The following PDE1A variants were observed in gnomAD, a reference collection of about 807,000 sequenced individuals.
PDE1A encodes phosphodiesterase 1A, also known as dual specificity calcium/calmodulin-dependent 3',5'-cyclic nucleotide phosphodiesterase 1A.
In PDE1A, 35 loss-of-function variants were observed where a neutral mutation model predicts 61.7. The ratio of observed to expected loss-of-function variants is 0.57; its 90% confidence interval spans 0.43 to 0.75. The LOEUF (loss-of-function observed/expected upper bound fraction) is 0.75, where lower values mean the gene tolerates loss of function less well. PDE1A is among the 30% of genes least tolerant of loss of function. The pLI is 0.00. For missense variants in PDE1A, 597 were observed against 630.6 expected (o/e 0.95, Z 0.57); for synonymous variants, 232 against 213.2 (o/e 1.09, Z -0.77).
intron 1 of PDE1A, among the ~76,000 whole-genome samples, chr2:182,391,326 A>T (rs775778490): frequency 6.6e-6 from 1 of 152,110 alleles, no homozygotes; most frequent in African/African-American, 2.4e-5. Flanking sequence ...CTGGGAGTTA[A>T]AAAACGTTCT....
At chr2:182,644,918 G>GAA in the PDE1A span, among the ~76,000 whole-genome samples, 2 of 150,924 alleles carry the variant, frequency 1.3e-5, no homozygotes, top group African/African-American at 2.4e-5. Context: ...TTTCAATTTT[G>GAA]AAAAGTATAG....
At chr2:182,650,239 T>A in the PDE1A span, among the ~76,000 whole-genome samples, 22 of 152,304 alleles carry the variant, frequency 1.4e-4, no homozygotes, top group Middle Eastern at 6.8e-3. Flanking sequence ...TATTGTTTAG[T>A]ATTTAGAATG....
intron 1 of PDE1A, among the ~76,000 whole-genome samples, chr2:182,397,181 G>C (rs1449229733): frequency 2.0e-5 from 3 of 152,064 alleles, no homozygotes; most frequent in Non-Finnish European, 4.4e-5. Context: ...AGGACATTTT[G>C]AGAGGCAGCA....
At chr2:182,676,135 T>C in the PDE1A span, among the ~76,000 whole-genome samples, 1 of 152,042 alleles carries the variant, frequency 6.6e-6, no homozygotes, top group Non-Finnish European at 1.5e-5. Flanking sequence ...ATTCAAAAGA[T>C]AAATGAATCC....
chr2:182,337,824 T>A (rs971747254), intron 1 of PDE1A, among the ~76,000 whole-genome samples: 40 of 151,780 alleles, frequency 2.6e-4, no homozygotes, highest in African/African-American at 5.1e-4. Context: ...TATAGGATTT[T>A]AAAAAAAAAG....
the PDE1A span, among the ~76,000 whole-genome samples, chr2:182,550,909 T>G: frequency 1.1e-4 from 17 of 152,098 alleles, no homozygotes; most frequent in African/African-American, 4.1e-4. Flanking sequence ...GTAAGTTCTG[T>G]TCACATTCCT....
intron 1 of PDE1A, among the ~76,000 whole-genome samples, chr2:182,377,177 T>C (rs1334408956): frequency 6.6e-6 from 1 of 152,222 alleles, no homozygotes; most frequent in African/African-American, 2.4e-5. Context: ...TCCCCAATGC[T>C]GGAAGTGGGG....
the PDE1A span, among the ~76,000 whole-genome samples, chr2:182,548,611 C>T: frequency 6.6e-6 from 1 of 152,226 alleles, no homozygotes; most frequent in East Asian, 1.9e-4. Context: ...AATAAGGAGG[C>T]TAGAGCACTT....
At chr2:182,335,977 C>A (rs1344837158) in intron 1 of PDE1A, among the ~76,000 whole-genome samples, 2 of 152,076 alleles carry the variant, frequency 1.3e-5, no homozygotes, top group African/African-American at 4.8e-5. Context: ...AGACACTTAT[C>A]AAAAGTAGAC....
At chr2:182,539,492 C>T in the PDE1A span, among the ~76,000 whole-genome samples, 3 of 152,186 alleles carry the variant, frequency 2.0e-5, no homozygotes, top group East Asian at 5.8e-4. Context: ...GAGCATAACT[C>T]CACTAGCTTT....
the PDE1A span, among the ~76,000 whole-genome samples, chr2:182,548,895 A>G: frequency 2.6e-5 from 4 of 152,216 alleles, no homozygotes; most frequent in Non-Finnish European, 4.4e-5. Flanking sequence ...TTCCATGTGG[A>G]TAATCAATTA....
chr2:182,497,501 G>A (rs758948879), intron 2 of PDE1A, among the ~76,000 whole-genome samples: 8 of 152,176 alleles, frequency 5.3e-5, no homozygotes, highest in Non-Finnish European at 1.0e-4. Flanking sequence ...TGGGAAACAA[G>A]GTGTTTGTTT....
At chr2:182,151,759 A>G (rs1023473871) in intron 13 of PDE1A, among the ~76,000 whole-genome samples, 2 of 152,222 alleles carry the variant, frequency 1.3e-5, no homozygotes, top group Admixed American at 1.3e-4. Context: ...CAAATCCATA[A>G]TTAAAAGATC....
At chr2:182,686,706 G>A in the PDE1A span, among the ~76,000 whole-genome samples, 766 of 152,290 alleles carry the variant, frequency 5.0e-3, 12 homozygotes, top group African/African-American at 0.018. Flanking sequence ...GCAGTGCACC[G>A]AGCATGAGCC....
chr2:182,449,636 T>G (rs1341612285), intron 2 of PDE1A, among the ~76,000 whole-genome samples: 1 of 152,120 alleles, frequency 6.6e-6, no homozygotes, highest in Admixed American at 6.6e-5. Flanking sequence ...CATTCACTCT[T>G]TGGCATTTTT....
At chr2:182,535,774 T>C in the PDE1A span, among the ~76,000 whole-genome samples, 1 of 152,174 alleles carries the variant, frequency 6.6e-6, no homozygotes, top group South Asian at 2.1e-4. Flanking sequence ...GTCATGTCCT[T>C]GAGGGCTATT....
intron 7 of PDE1A, among the ~76,000 whole-genome samples, chr2:182,220,850 C>A (rs1409066654): frequency 6.6e-6 from 1 of 151,766 alleles, no homozygotes; most frequent in Non-Finnish European, 1.5e-5. Context: ...TGACATATGA[C>A]CTTATTTCAT....
the PDE1A span, among the ~76,000 whole-genome samples, chr2:182,705,327 A>G: frequency 1.3e-5 from 2 of 152,214 alleles, no homozygotes; most frequent in Non-Finnish European, 2.9e-5. Context: ...GAGGGCACAT[A>G]AGGAGACAAG....
chr2:182,243,156 T>A (rs1207377500), intron 2 of PDE1A, among the ~76,000 whole-genome samples: 1 of 152,150 alleles, frequency 6.6e-6, no homozygotes, highest in Admixed American at 6.5e-5. Flanking sequence ...ATTATAAATC[T>A]AAACACCATA....
Sources: gnomAD v4.1 joint callset for allele counts (sites outside exome capture counted in the v4.1 genomes callset) on GRCh38, gnomAD v4.1.1 for gene constraint, MANE v1.5 for transcripts, NCBI Gene and HGNC (gene_info 2026-07-23, HGNC 2026-07-21) for gene names.